ARHGAP15: variants seen among roughly 807,000 people sequenced by gnomAD.
The protein encoded by ARHGAP15 is rho GTPase-activating protein 15.
ARHGAP15 carries 51 observed loss-of-function variants against 63.7 expected under a neutral mutation model. The ratio of observed to expected loss-of-function variants is 0.80; its 90% CI spans 0.64 to 1.01. ARHGAP15 has a LOEUF of 1.01. ARHGAP15 is among the 50% of genes least tolerant of loss of function. The pLI is 0.00. For synonymous variants in ARHGAP15, 191 were observed against 193.8 expected (o/e 0.99, Z 0.12); for missense variants, 560 against 564.6 (o/e 0.99, Z 0.08).
intron 1 of ARHGAP15, 50 bp from the exon 2 acceptor site, chr2:143,155,427 A>G: frequency 1.4e-6 from 2 of 1,462,762 alleles, no homozygotes; most frequent in South Asian, 2.8e-5. Context: ...AAGAGTTTTC[A>G]TGGAAAATTG....
chr2:143,487,371 A>T lies in ARHGAP15; in HGVS notation c.704-2A>T. ...AAGCCTCTGATTTTTTTAAATCTTC[A>T]GTGTTCAGACTGCATCACAGTGCTT... On this transcript the variant is annotated splice_acceptor_variant, in intron 8 of 13. Transcript: ENST00000295095. LOFTEE classifies it high-confidence loss of function. 1 of 1,596,844 alleles carries T rather than the reference A, an allele frequency of 6.3e-7. No homozygotes were observed. Among genetic ancestry groups the T allele is most frequent in the Admixed American group, 1.8e-5 (1 of 55,192 alleles).
intron 8 of ARHGAP15, among the ~76,000 whole-genome samples, chr2:143,452,286 C>A: frequency 6.6e-6 from 1 of 151,934 alleles, no homozygotes; most frequent in South Asian, 2.1e-4. Flanking sequence ...CACTATTAAT[C>A]GAACACTTTG....
At chr2:143,461,295 A>AC (rs1690925893) in intron 8 of ARHGAP15, among the ~76,000 whole-genome samples, 1 of 150,726 alleles carries the variant, frequency 6.6e-6, no homozygotes, top group Non-Finnish European at 1.5e-5. Flanking sequence ...AAAAAAAAAA[A>AC]AAAAAAAAAA....
chr2:143,606,214 A>G (rs1698022166), intron 11 of ARHGAP15, among the ~76,000 whole-genome samples: 1 of 152,224 alleles, frequency 6.6e-6, no homozygotes, highest in Non-Finnish European at 1.5e-5. Context: ...ATCAGCAATC[A>G]TGCTACAACA....
At chr2:143,456,656 G>A (rs1015071355) in intron 8 of ARHGAP15, among the ~76,000 whole-genome samples, 29 of 151,940 alleles carry the variant, frequency 1.9e-4, no homozygotes, top group African/African-American at 6.5e-4. Context: ...CATTTACAGA[G>A]GAGGAAACAC....
At chr2:143,696,704 G>C (rs1683862861) in intron 12 of ARHGAP15, among the ~76,000 whole-genome samples, 1 of 152,122 alleles carries the variant, frequency 6.6e-6, no homozygotes, top group South Asian at 2.1e-4. Context: ...CTTCCTAAGA[G>C]GGCTTGTTTA....
intron 4 of ARHGAP15, among the ~76,000 whole-genome samples, chr2:143,223,894 T>G (rs922245279): frequency 1.3e-5 from 2 of 152,204 alleles, no homozygotes; most frequent in African/African-American, 2.4e-5. Context: ...TTTTCTCTTC[T>G]GTAATATGGG....
chr2:143,678,662 C>CTTTTTTTCCAAGGTCTAATGTTT, intron 12 of ARHGAP15, among the ~76,000 whole-genome samples: 1 of 152,288 alleles, frequency 6.6e-6, no homozygotes, highest in East Asian at 1.9e-4. Flanking sequence ...CCAAGGTCTA[C>CTTTTTTTCCAAGGTCTAATGTTT]TCCAACTCTA....
chr2:143,735,957 T>A (rs878859507), intron 13 of ARHGAP15, among the ~76,000 whole-genome samples: 2 of 152,186 alleles, frequency 1.3e-5, no homozygotes, highest in Admixed American at 1.3e-4. Context: ...TGACAAGGCT[T>A]ATGAAGAATA....
intron 8 of ARHGAP15, among the ~76,000 whole-genome samples, chr2:143,448,977 G>A (rs186435250): frequency 1.4e-4 from 22 of 152,054 alleles, no homozygotes; most frequent in Admixed American, 1.2e-3. Context: ...CTATCTTGTC[G>A]GCCTTTGTGT....
intron 6 of ARHGAP15, among the ~76,000 whole-genome samples, chr2:143,418,945 G>A (rs995951724): frequency 7.2e-5 from 11 of 152,264 alleles, no homozygotes; most frequent in African/African-American, 2.6e-4. Context: ...TGTGCAAATT[G>A]TGGTATTCAC....
intron 13 of ARHGAP15, among the ~76,000 whole-genome samples, chr2:143,721,931 CCGGCCT>C (rs1387262163): frequency 1.2e-4 from 18 of 152,320 alleles, no homozygotes; most frequent in East Asian, 5.8e-4. Context: ...AGGCAATCCA[CCGGCCT>C]CGGCCTCGGC....
intron 12 of ARHGAP15, among the ~76,000 whole-genome samples, chr2:143,651,945 G>A (rs954385472): frequency 2.0e-5 from 3 of 151,930 alleles, no homozygotes; most frequent in Non-Finnish European, 2.9e-5. Flanking sequence ...AGTTATTTTT[G>A]TCTTCTGGAT....
chr2:143,766,749 G>A (rs1686958446), intron 13 of ARHGAP15: 1 of 152,218 alleles, frequency 6.6e-6, no homozygotes, highest in Non-Finnish European at 1.5e-5. Flanking sequence ...GTGGATGGAA[G>A]AGAAACATGT....
At chr2:143,187,429 A>G (rs888458372) in intron 2 of ARHGAP15, among the ~76,000 whole-genome samples, 2 of 152,196 alleles carry the variant, frequency 1.3e-5, no homozygotes, top group African/African-American at 4.8e-5. Flanking sequence ...TATTGTTTGG[A>G]TAAAGAATGC....
At chr2:143,208,784 C>T (rs1692452427) in intron 3 of ARHGAP15, among the ~76,000 whole-genome samples, 1 of 152,036 alleles carries the variant, frequency 6.6e-6, no homozygotes, top group South Asian at 2.1e-4. Context: ...AAGAAACATT[C>T]AAGAAAAAGA....
intron 13 of ARHGAP15, among the ~76,000 whole-genome samples, chr2:143,757,461 A>C (rs1686619411): frequency 6.6e-6 from 1 of 152,154 alleles, no homozygotes; most frequent in Non-Finnish European, 1.5e-5. Context: ...CATTGAGCCG[A>C]GACAATGCGA....
intron 6 of ARHGAP15, among the ~76,000 whole-genome samples, chr2:143,254,105 C>A (rs1680301787): frequency 6.6e-6 from 1 of 152,096 alleles, no homozygotes; most frequent in African/African-American, 2.4e-5. Context: ...TATGTTCAAA[C>A]CACATGTTTT....
rs1309313194 is a variant in ARHGAP15 at position 143,461,853 on chromosome 2, G to A, written c.703+24811G>A. Among the ~76,000 whole-genome samples, 4 of 152,110 alleles carry A rather than the reference G, an allele frequency of 2.6e-5. No homozygotes were observed. The South Asian group carries it at 6.2e-4, about 24-fold the overall frequency. On this transcript the variant is annotated intron_variant, in intron 8 of 13. Transcript: ENST00000295095. Reference sequence around the variant, plus strand: ...ATAGGTCTTAGCAATAGTTCCAATAGGATTGGAGGTTCACCATTAAAAATA... The same window carrying A: ...ATAGGTCTTAGCAATAGTTCCAATAAGATTGGAGGTTCACCATTAAAAATA...
Sources: gnomAD v4.1 joint callset for allele counts (sites outside exome capture counted in the v4.1 genomes callset) on GRCh38, gnomAD v4.1.1 for gene constraint, MANE v1.5 for transcripts, NCBI Gene and HGNC (gene_info 2026-07-23, HGNC 2026-07-21) for gene names.